JAKMIP2: variants seen among roughly 807,000 people sequenced by gnomAD.
The protein encoded by JAKMIP2 is janus kinase and microtubule interacting protein 2.
JAKMIP2 carries 25 observed loss-of-function variants against 115.0 expected under a neutral mutation model. The observed-to-expected ratio is 0.22, with a 90% CI of 0.16 to 0.30. The LOEUF (loss-of-function observed/expected upper bound fraction) is 0.30. Among genes scored for constraint, JAKMIP2 ranks in the 10% least tolerant of loss-of-function variants. The probability of loss-of-function intolerance (pLI) is 1.00; values close to 1 mark genes in which losing one functional copy is unlikely to be tolerated. For missense variants in JAKMIP2, 642 were observed against 957.6 expected (o/e 0.67, Z 4.35); for synonymous variants, 334 against 343.6 (o/e 0.97, Z 0.31).
At chr5:147,736,911 C>T (rs1753946119) in intron 1 of JAKMIP2, among the ~76,000 whole-genome samples, 1 of 152,036 alleles carries the variant, frequency 6.6e-6, no homozygotes, top group Non-Finnish European at 1.5e-5. Flanking sequence ...TTGAGTTGTG[C>T]TTAGTTAGTA....
intron 1 of JAKMIP2, among the ~76,000 whole-genome samples, chr5:147,724,181 G>T (rs529737126): frequency 6.6e-6 from 1 of 152,230 alleles, no homozygotes; most frequent in Non-Finnish European, 1.5e-5. Flanking sequence ...AGGTCCTGTG[G>T]ATACAAGGCA....
chr5:147,601,643 A>G (rs906180586), intron 21 of JAKMIP2, 98 bp downstream of exon 21: 3 of 712,246 alleles, frequency 4.2e-6, no homozygotes, highest in Non-Finnish European at 6.5e-6. Context: ...AAAACAAAAC[A>G]AAACAAAAAA....
chr5:147,701,461 C>G (rs893742758), intron 1 of JAKMIP2, among the ~76,000 whole-genome samples: 2 of 152,128 alleles, frequency 1.3e-5, no homozygotes, highest in Admixed American at 1.3e-4. Context: ...AATCTAACCC[C>G]TACAGTTACA....
At chr5:147,778,748 G>T (rs1011183712) in intron 1 of JAKMIP2, among the ~76,000 whole-genome samples, 7 of 152,080 alleles carry the variant, frequency 4.6e-5, no homozygotes, top group African/African-American at 1.7e-4. Flanking sequence ...AAGGTGAAGT[G>T]ATGGTACTAA....
intron 1 of JAKMIP2, among the ~76,000 whole-genome samples, chr5:147,755,838 T>A (rs1754725106): frequency 2.0e-5 from 3 of 152,082 alleles, no homozygotes; most frequent in Non-Finnish European, 4.4e-5. Flanking sequence ...AAGTAACTAG[T>A]CCATACACAA....
chr5:147,685,797 A>C (rs1443051407), intron 1 of JAKMIP2, among the ~76,000 whole-genome samples: 2 of 152,230 alleles, frequency 1.3e-5, no homozygotes, highest in African/African-American at 4.8e-5. Flanking sequence ...TTCAAATAGC[A>C]GTAATTTTTT....
intron 20 of JAKMIP2, among the ~76,000 whole-genome samples, chr5:147,608,949 G>T (rs1756167875): frequency 6.7e-6 from 1 of 149,230 alleles, no homozygotes; most frequent in African/African-American, 2.5e-5. Context: ...TGTCTTTTTT[G>T]ATTTTTGTTG....
rs1414126431 is a variant in JAKMIP2, at chr5:147,782,703, T to C, written c.-396A>G. 3 of 614,530 alleles carry C rather than the reference T, an allele frequency of 4.9e-6. No homozygotes were observed. The highest frequency in any genetic ancestry group is 3.7e-5 in the African/African-American group (2 of 53,868). The allele number at this position is 614,530 out of a possible 1,614,324, so 38.1% of individuals were successfully genotyped here. ...CAGCAGCATCACCAGTTGGGCCTCC[T>C]CCCTCTCGGAGGATGGGGTGAGCTC... On this transcript the variant is annotated 5_prime_UTR_variant, in exon 1 of 22. Transcript: ENST00000616793.
rs918823256 is a variant in JAKMIP2, at chr5:147,738,157, A to AT, written c.-149+44298dup. 1.4e-4 allele frequency among the ~76,000 whole-genome samples: 21 copies of AT among 151,474 alleles called. 1 individual carries two copies. In the Middle Eastern group the frequency reaches 0.014, roughly 98 times the overall value. ...GTACACAGCACGAAGCAAAGAGGTC[A>AT]TTTTTTTTTCCCACTTAAAACACCA... On this transcript the variant is annotated intron_variant, in intron 1 of 21. Transcript: ENST00000616793.
intron 2 of JAKMIP2, among the ~76,000 whole-genome samples, chr5:147,663,929 A>T (rs1247945201): frequency 6.6e-6 from 1 of 152,192 alleles, no homozygotes; most frequent in Non-Finnish European, 1.5e-5. Context: ...ACCATACTGC[A>T]AATTTGAAGT....
intron 17 of JAKMIP2, among the ~76,000 whole-genome samples, chr5:147,621,046 T>C (rs928024921): frequency 1.3e-5 from 2 of 152,242 alleles, no homozygotes; most frequent in Non-Finnish European, 2.9e-5. Context: ...ATAATAAGCC[T>C]ATCTATGTAA....
At chr5:147,657,613 AT>A (rs1758744680) in intron 3 of JAKMIP2, among the ~76,000 whole-genome samples, 3 of 151,902 alleles carry the variant, frequency 2.0e-5, no homozygotes, top group African/African-American at 4.8e-5. Flanking sequence ...ACTTGATTCC[AT>A]TCTCCCCATC....
At chr5:147,763,413 C>T (rs971053364) in intron 1 of JAKMIP2, among the ~76,000 whole-genome samples, 96 of 152,100 alleles carry the variant, frequency 6.3e-4, no homozygotes, top group African/African-American at 1.6e-3. Flanking sequence ...TCTGGCTACA[C>T]GCACACTGTT....
intron 1 of JAKMIP2, among the ~76,000 whole-genome samples, chr5:147,755,421 G>A (rs544466380): frequency 8.5e-5 from 13 of 152,252 alleles, no homozygotes; most frequent in African/African-American, 3.1e-4. Context: ...GACCTCCTGA[G>A]GCTGTGTCAC....
At chr5:147,691,165 A>G (rs1478317504) in intron 1 of JAKMIP2, among the ~76,000 whole-genome samples, 1 of 152,120 alleles carries the variant, frequency 6.6e-6, no homozygotes, top group African/African-American at 2.4e-5. Context: ...CAAGCATTGC[A>G]TAAGATTGTA....
intron 1 of JAKMIP2, among the ~76,000 whole-genome samples, chr5:147,752,285 C>T (rs900708654): frequency 6.6e-6 from 1 of 152,144 alleles, no homozygotes; most frequent in African/African-American, 2.4e-5. Flanking sequence ...AAAAGGGGTG[C>T]TGGATCAACT....
At chr5:147,724,691 T>C (rs1043484429) in intron 1 of JAKMIP2, among the ~76,000 whole-genome samples, 1 of 152,208 alleles carries the variant, frequency 6.6e-6, no homozygotes, top group African/African-American at 2.4e-5. Context: ...AATGGTGATA[T>C]AGAAGGAAGA....
chr5:147,599,391 T>C (rs1755574708), intron 21 of JAKMIP2, among the ~76,000 whole-genome samples: 1 of 152,232 alleles, frequency 6.6e-6, no homozygotes, highest in Non-Finnish European at 1.5e-5. Flanking sequence ...TTAAATTATA[T>C]CTGACTTGTA....
At chr5:147,649,077 G>A (rs191847261) in intron 4 of JAKMIP2, among the ~76,000 whole-genome samples, 2 of 152,292 alleles carry the variant, frequency 1.3e-5, no homozygotes, top group African/African-American at 4.8e-5. Flanking sequence ...CAGAATGGCT[G>A]TGAATCACCT....
Sources: allele counts gnomAD v4.1 joint callset (sites outside exome capture counted in the v4.1 genomes callset), GRCh38; gene constraint gnomAD v4.1.1; transcripts MANE v1.5; gene names NCBI Gene and HGNC (gene_info 2026-07-23, HGNC 2026-07-21).